The following CNTN5 variants were observed in gnomAD, a reference collection of about 807,000 sequenced individuals.
CNTN5 encodes the protein contactin 5.
CNTN5 carries 77 observed loss-of-function variants against 129.1 expected under a neutral mutation model. The ratio of observed to expected loss-of-function variants is 0.60; its 90% CI spans 0.50 to 0.72. The LOEUF is 0.72. Among genes scored for constraint, CNTN5 ranks in the 30% least tolerant of loss-of-function variants. The pLI, the probability that CNTN5 is intolerant of heterozygous loss-of-function variation, is 0.00. For missense variants in CNTN5, 1,478 were observed against 1,328.8 expected (o/e 1.11, Z -1.75); for synonymous variants, 509 against 465.6 (o/e 1.09, Z -1.20).
At chr11:100,040,440 T>G (rs910298340) in intron 9 of CNTN5, among the ~76,000 whole-genome samples, 2 of 152,224 alleles carry the variant, frequency 1.3e-5, no homozygotes, top group Non-Finnish European at 2.9e-5. Flanking sequence ...GGAGGCATTC[T>G]TCCCATTCTC....
intron 3 of CNTN5, among the ~76,000 whole-genome samples, chr11:99,737,732 T>C (rs1014293067): frequency 6.6e-6 from 1 of 152,200 alleles, no homozygotes; most frequent in Non-Finnish European, 1.5e-5. Context: ...GTTATGAAGA[T>C]AAATTAATCC....
chr11:100,162,324 A>G (rs910312218), intron 13 of CNTN5, among the ~76,000 whole-genome samples: 9 of 151,934 alleles, frequency 5.9e-5, no homozygotes, highest in Non-Finnish European at 1.2e-4. Context: ...ATTATCCTCT[A>G]TGCTAATTAT....
At chr11:99,178,099 T>G (rs1048873785) in intron 1 of CNTN5, among the ~76,000 whole-genome samples, 3 of 151,546 alleles carry the variant, frequency 2.0e-5, no homozygotes, top group African/African-American at 7.3e-5. Flanking sequence ...GAAAGGAAAG[T>G]AAAAAGACAG....
chr11:99,402,130 G>C (rs576222281), intron 2 of CNTN5, among the ~76,000 whole-genome samples: 2 of 152,092 alleles, frequency 1.3e-5, no homozygotes, highest in Admixed American at 6.5e-5. Context: ...TCATAGTGAG[G>C]ATTGTTGTCA....
intron 9 of CNTN5, among the ~76,000 whole-genome samples, chr11:100,034,143 GCTCA>G (rs1322111554): frequency 1.3e-5 from 2 of 152,100 alleles, no homozygotes; most frequent in Non-Finnish European, 2.9e-5. Context: ...TCTCAGCAGA[GCTCA>G]CTCTCAAGTT....
At chr11:100,100,864 C>G (rs1469827972) in intron 13 of CNTN5, among the ~76,000 whole-genome samples, 1 of 152,024 alleles carries the variant, frequency 6.6e-6, no homozygotes, top group African/African-American at 2.4e-5. Context: ...CCTAAACTTG[C>G]AACTTAAATT....
intron 18 of CNTN5, 51 bp downstream of exon 18, chr11:100,271,292 G>A: frequency 1.4e-6 from 2 of 1,406,720 alleles, no homozygotes; most frequent in Non-Finnish European, 1.9e-6. Flanking sequence ...TAATCGTCTT[G>A]AAAGTGAGTT....
chr11:100,162,602 T>C (rs1213304493), intron 13 of CNTN5, among the ~76,000 whole-genome samples: 1 of 151,832 alleles, frequency 6.6e-6, no homozygotes, highest in Non-Finnish European at 1.5e-5. Flanking sequence ...CTCACCTTGT[T>C]AGATATAACT....
chr11:99,080,335 A>T (rs1037616836), intron 1 of CNTN5, among the ~76,000 whole-genome samples: 28 of 152,326 alleles, frequency 1.8e-4, no homozygotes, highest in Non-Finnish European at 2.4e-4. Context: ...ATCTGTTATG[A>T]GGTTCCTAGC....
At position 99,637,726 on chromosome 11, in the gene CNTN5, TTAAC is replaced by T. The variant is rs555117685; in HGVS notation, c.55+81460_55+81463del. Among the ~76,000 whole-genome samples, 771 of 152,004 alleles carry T rather than the reference TTAAC, an allele frequency of 5.1e-3. 2 individuals carry two copies. The highest frequency in any genetic ancestry group is 0.018 in the African/African-American group (736 of 41,518). ...TATAACTATTTATTTTACTTTAAAA[TTAAC>T]TATTATATCAGTCTTGCCTTTACAT... is the stretch of plus-strand genomic sequence containing the variant. On this transcript the variant is annotated intron_variant, in intron 3 of 24. Coordinates refer to ENST00000524871, the MANE Select transcript of CNTN5 (RefSeq NM_014361.4).
At chr11:99,697,070 A>C (rs1954301560) in intron 3 of CNTN5, among the ~76,000 whole-genome samples, 1 of 152,004 alleles carries the variant, frequency 6.6e-6, no homozygotes, top group South Asian at 2.1e-4. Flanking sequence ...CAATCCAAAA[A>C]AATAGTATGA....
intron 16 of CNTN5, among the ~76,000 whole-genome samples, chr11:100,250,325 C>T (rs1384600634): frequency 2.6e-5 from 4 of 152,180 alleles, no homozygotes; most frequent in South Asian, 2.1e-4. Context: ...AATTGTTATA[C>T]AACATTCCAC....
intron 2 of CNTN5, among the ~76,000 whole-genome samples, chr11:99,515,384 A>G (rs1947008478): frequency 6.6e-6 from 1 of 152,086 alleles, no homozygotes; most frequent in Non-Finnish European, 1.5e-5. Flanking sequence ...GAATATTTGA[A>G]ATACTAGCTA....
intron 1 of CNTN5, among the ~76,000 whole-genome samples, chr11:99,021,893 T>C (rs1862886787): frequency 1.3e-5 from 2 of 152,210 alleles, no homozygotes; most frequent in South Asian, 2.1e-4. Flanking sequence ...TAGGGAGATA[T>C]ACGGAAGAGA....
chr11:99,799,308 C>T lies in CNTN5; in HGVS notation c.56-20236C>T, dbSNP rs142334002. Among the ~76,000 whole-genome samples, 190 of 151,454 alleles carry T rather than the reference C, an allele frequency of 1.3e-3. 2 individuals carry two copies. Among genetic ancestry groups the T allele is most frequent in the Admixed American group, 2.7e-3 (41 of 15,194 alleles). On this transcript the variant is annotated intron_variant, in intron 3 of 24. Transcript: ENST00000524871. ...TGTTAAATAGGAGTGGTGAGAATGG[C>T]GCATCCTTATTTTATCTCAGTTCTC...
At chr11:100,047,029 AAC>A (rs1413497924) in intron 9 of CNTN5, among the ~76,000 whole-genome samples, 1 of 152,230 alleles carries the variant, frequency 6.6e-6, no homozygotes. Flanking sequence ...TAGGGCAAGT[AAC>A]AGGAATAGAG....
chr11:99,172,117 CG>C (rs1565375591), intron 1 of CNTN5, among the ~76,000 whole-genome samples: 4 of 152,288 alleles, frequency 2.6e-5, no homozygotes, highest in African/African-American at 9.6e-5. Context: ...TGAGAAGCAG[CG>C]TGTCAGAAAC....
chr11:100,105,572 G>A (rs1283697906), intron 13 of CNTN5, among the ~76,000 whole-genome samples: 2 of 152,132 alleles, frequency 1.3e-5, no homozygotes, highest in Admixed American at 6.6e-5. Flanking sequence ...CGGAAGGAAG[G>A]ACCCATACGG....
chr11:99,945,227 T>A (rs1950527539), intron 7 of CNTN5, among the ~76,000 whole-genome samples: 1 of 151,962 alleles, frequency 6.6e-6, no homozygotes, highest in African/African-American at 2.4e-5. Flanking sequence ...AAACTGCAAT[T>A]TGATATGAGA....
Sources: gnomAD v4.1 joint callset for allele counts (sites outside exome capture counted in the v4.1 genomes callset) on GRCh38, gnomAD v4.1.1 for gene constraint, MANE v1.5 for transcripts, NCBI Gene and HGNC (gene_info 2026-07-23, HGNC 2026-07-21) for gene names.